Variants in KCNQ2 observed in about 807,000 individuals in gnomAD.
The protein encoded by KCNQ2 is potassium voltage-gated channel subfamily Q member 2, also known as potassium voltage-gated channel subfamily KQT member 2.
KCNQ2 carries 14 observed loss-of-function variants against 84.8 expected under a neutral mutation model. The observed-to-expected ratio is 0.17, with a 90% CI of 0.11 to 0.26. The LOEUF (loss-of-function observed/expected upper bound fraction) is 0.26, where lower values mean the gene tolerates loss of function less well. Among genes scored for constraint, KCNQ2 ranks in the 10% least tolerant of loss-of-function variants. The pLI, the probability that KCNQ2 is intolerant of heterozygous loss-of-function variation, is 1.00. For missense variants in KCNQ2, 788 were observed against 1,254.0 expected, an observed-to-expected ratio of 0.63 and a Z score of 5.61; for synonymous variants, 599 against 554.1, an observed-to-expected ratio of 1.08 and a Z score of -1.14.
At chr20:63,452,459 A>G (rs1307116011) in intron 1 of KCNQ2, among the ~76,000 whole-genome samples, 1 of 152,186 alleles carries the variant, frequency 6.6e-6, no homozygotes, top group East Asian at 1.9e-4. Flanking sequence ...GAGGGTCACT[A>G]GCTTCACTTG....
intron 4 of KCNQ2, among the ~76,000 whole-genome samples, chr20:63,443,005 C>T (rs1347012392): frequency 2.5e-5 from 3 of 119,296 alleles, no homozygotes; most frequent in South Asian, 3.1e-4. Context: ...CCATCACCAC[C>T]ATCACCATCA....
Position 63,400,555 on chromosome 20 carries a change from G to T in KCNQ2, c.*6089C>A. On this transcript the variant is annotated 3_prime_UTR_variant, in exon 17 of 17. Coordinates refer to ENST00000359125, the MANE Select transcript of KCNQ2 (RefSeq NM_172107.4). The surrounding 1 kb of genome is among the most constrained non-coding windows in gnomAD (Gnocchi z 8.7). Reference sequence around the variant, plus strand: ...TACGGCACAAGGACACATACAAAATGGTCAGAAGTGTACGTCGGTACTGAA... The same window carrying T: ...TACGGCACAAGGACACATACAAAATTGTCAGAAGTGTACGTCGGTACTGAA... 1 of 398,414 alleles carries T rather than the reference G, an allele frequency of 2.5e-6. No homozygotes were observed. Among genetic ancestry groups the T allele is most frequent in the South Asian group, 1.3e-4 (1 of 7,716 alleles). The allele number at this position is 398,414 out of a possible 1,614,324, so 24.7% of individuals were successfully genotyped here. A position where few individuals can be genotyped will look rare whatever the true frequency, so the allele number is the denominator to read the frequency against.
At position 63,446,986 on chromosome 20, in the gene KCNQ2, C is replaced by T; in HGVS notation, c.297-149G>A. On this transcript the variant is annotated intron_variant, in intron 1 of 16. Coordinates refer to ENST00000359125, the MANE Select transcript of KCNQ2 (RefSeq NM_172107.4). This position sits in a 1 kb window ranked among gnomAD's most constrained non-coding sequence, Gnocchi z 5.5. ...CAGAACGCAGGACCCCACTCCCCAC[C>T]CACCCCACCAGAGCTCGCTCGGGCC... is the stretch of plus-strand genomic sequence containing the variant. 1.4e-6 allele frequency: 1 copy of T among 728,514 alleles called. No individual in the cohort carries two copies. The highest frequency in any genetic ancestry group is 2.4e-6 in the Non-Finnish European group (1 of 414,086). The allele number at this position is 728,514 out of a possible 1,614,324, so 45.1% of individuals were successfully genotyped here.
rs1263837515 is a variant in KCNQ2 at position 63,425,722 on chromosome 20, A to AG, written c.1218-1517dup. 6.6e-6 allele frequency among the ~76,000 whole-genome samples: 1 copy of AG among 152,022 alleles called. No individual in the cohort carries two copies. The highest frequency in any genetic ancestry group is 2.4e-5 in the African/African-American group (1 of 41,392). On this transcript the variant is annotated intron_variant, in intron 10 of 16. Transcript: ENST00000359125. The surrounding 1 kb of genome is among the most constrained non-coding windows in gnomAD (Gnocchi z 5.5). ...GTGACGCAGGGAGACTCCGTCTCAG[A>AG]GAAAAAAAAAAGAAATCCCACCCAT...
At chr20:63,464,399 C>T (rs534659192) in intron 1 of KCNQ2, among the ~76,000 whole-genome samples, 25 of 152,172 alleles carry the variant, frequency 1.6e-4, no homozygotes, top group African/African-American at 5.8e-4. Context: ...TCACCTGGCA[C>T]GGGGTCTGTG....
intron 1 of KCNQ2, among the ~76,000 whole-genome samples, chr20:63,467,480 T>A (rs1011731427): frequency 1.3e-5 from 2 of 151,802 alleles, no homozygotes; most frequent in East Asian, 3.9e-4. Context: ...GGCTGTGGAA[T>A]GTCATTCCTA....
chr20:63,431,843 C>T (rs1366776195), intron 8 of KCNQ2, among the ~76,000 whole-genome samples: 1 of 152,182 alleles, frequency 6.6e-6, no homozygotes, highest in African/African-American at 2.4e-5. Flanking sequence ...CACTGTGCAC[C>T]TGCCCCACCC....
rs1051663745 is a variant in KCNQ2 at position 63,446,585 on chromosome 20, T to TGGGGCTG, written c.387+155_387+161dup. Among the ~76,000 whole-genome samples, 4 of 151,694 alleles carry TGGGGCTG rather than the reference T, an allele frequency of 2.6e-5. No individual in the cohort carries two copies. Among genetic ancestry groups the TGGGGCTG allele is most frequent in the African/African-American group, 9.7e-5 (4 of 41,262 alleles). ...TGGGGCTGGGGCATAGCCCGGGCTG[T>TGGGGCTG]GGGGCTGGGGGCAGATGGGAACTGA... On this transcript the variant is annotated intron_variant, in intron 2 of 16. Transcript: ENST00000359125. This position sits in a 1 kb window ranked among gnomAD's most constrained non-coding sequence, Gnocchi z 5.5.
chr20:63,457,297 C>G (rs1438512158), intron 1 of KCNQ2, among the ~76,000 whole-genome samples: 1 of 152,254 alleles, frequency 6.6e-6, no homozygotes, highest in Non-Finnish European at 1.5e-5. Flanking sequence ...TCATTCGGAG[C>G]TTCCGGCAGC....
chr20:63,418,055 T>A (rs1416325324), intron 12 of KCNQ2, among the ~76,000 whole-genome samples: 1 of 152,056 alleles, frequency 6.6e-6, no homozygotes, highest in Non-Finnish European at 1.5e-5. Flanking sequence ...CCCCTGGACC[T>A]CCACCATGAC....
intron 3 of KCNQ2, 45 bp from the exon 4 acceptor site, chr20:63,444,879 G>A (rs564307557): frequency 1.1e-4 from 169 of 1,531,398 alleles, no homozygotes; most frequent in Middle Eastern, 1.7e-4. Context: ...GCCGCTCCCC[G>A]CACCCCCTTG....
intron 1 of KCNQ2, among the ~76,000 whole-genome samples, chr20:63,449,611 C>T (rs959363540): frequency 8.6e-5 from 13 of 151,930 alleles, no homozygotes; most frequent in African/African-American, 3.1e-4. Context: ...CTCACGGCTT[C>T]ACTGTCTTGT....
chr20:63,416,333 C>T (rs966479596), intron 12 of KCNQ2, among the ~76,000 whole-genome samples: 1 of 152,190 alleles, frequency 6.6e-6, no homozygotes, highest in Non-Finnish European at 1.5e-5. Context: ...GATGGGTTTG[C>T]ACCCGAGTTC....
At chr20:63,464,529 G>C (rs541120455) in intron 1 of KCNQ2, among the ~76,000 whole-genome samples, 7 of 152,088 alleles carry the variant, frequency 4.6e-5, no homozygotes, top group African/African-American at 1.4e-4. Flanking sequence ...CTGCACCCCA[G>C]GGCTATGAGC....
At position 63,400,239 on chromosome 20, in the gene KCNQ2, C is replaced by T. The variant is rs1048243955; in HGVS notation, c.*6405G>A. Reference sequence around the variant, plus strand: ...TTGAATCACTGCGTTTTACTGAGTGCACAGGTCCACCTGGCGTCCGAACTC... The same window carrying T: ...TTGAATCACTGCGTTTTACTGAGTGTACAGGTCCACCTGGCGTCCGAACTC... On this transcript the variant is annotated 3_prime_UTR_variant, in exon 17 of 17. Coordinates refer to ENST00000359125, the MANE Select transcript of KCNQ2 (RefSeq NM_172107.4). This position sits in a 1 kb window ranked among gnomAD's most constrained non-coding sequence, Gnocchi z 8.7. 42 of 179,672 alleles carry T rather than the reference C, an allele frequency of 2.3e-4. No individual in the cohort carries two copies. The highest frequency in any genetic ancestry group is 3.8e-4 in the Non-Finnish European group (33 of 87,078). The allele number at this position is 179,672 out of a possible 1,614,324, so 11.1% of individuals were successfully genotyped here.
chr20:63,470,408 C>T (rs1014333942), intron 1 of KCNQ2, among the ~76,000 whole-genome samples: 2 of 152,214 alleles, frequency 1.3e-5, no homozygotes, highest in Admixed American at 6.5e-5. Flanking sequence ...CAGGAAGAGA[C>T]GGCTCAGACC....
rs539573723 is a variant in KCNQ2 at position 63,428,772 on chromosome 20, C to T, written c.1149-337G>A. Among the ~76,000 whole-genome samples, 224 of 152,228 alleles carry T rather than the reference C, an allele frequency of 1.5e-3. 1 individual carries two copies. Among genetic ancestry groups the T allele is most frequent in the African/African-American group, 5.0e-3 (209 of 41,534 alleles). ...AGGAGGGCGCGCAGGTAGGGGGAGG[C>T]GCTACTCCCCCTTCTAATCCCTGAA... On this transcript the variant is annotated intron_variant, in intron 9 of 16. Transcript: ENST00000359125.
intron 1 of KCNQ2, among the ~76,000 whole-genome samples, chr20:63,452,750 G>A (rs1468283632): frequency 6.6e-6 from 1 of 152,196 alleles, no homozygotes; most frequent in Non-Finnish European, 1.5e-5. Flanking sequence ...TCGGCTCCAG[G>A]GCAGGTCCAG....
chr20:63,457,998 A>G (rs1172705723), intron 1 of KCNQ2, among the ~76,000 whole-genome samples: 1 of 152,060 alleles, frequency 6.6e-6, no homozygotes, highest in Non-Finnish European at 1.5e-5. Context: ...TCCCACCCAG[A>G]CCACAGGTGC....
Sources: allele counts gnomAD v4.1 joint callset (sites outside exome capture counted in the v4.1 genomes callset), GRCh38; gene constraint gnomAD v4.1.1; non-coding constraint Gnocchi (gnomAD v3.1); transcripts MANE v1.5; gene names NCBI Gene and HGNC (gene_info 2026-07-23, HGNC 2026-07-21).